Variants in BACH2 observed in about 807,000 individuals in gnomAD.
BACH2 encodes BACH transcriptional regulator 2.
BACH2 carries 5 observed loss-of-function variants against 61.8 expected under a neutral mutation model. The observed-to-expected ratio is 0.08, with a 90% CI of 0.04 to 0.17. The LOEUF (loss-of-function observed/expected upper bound fraction) is 0.17, where lower values mean the gene tolerates loss of function less well. BACH2 is among the 10% of genes least tolerant of loss of function. The probability of loss-of-function intolerance (pLI) is 1.00; values close to 1 mark genes in which losing one functional copy is unlikely to be tolerated. For missense variants in BACH2, 824 were observed against 1,091.1 expected, an observed-to-expected ratio of 0.76 and a Z score of 3.45; for synonymous variants, 446 against 440.1, an observed-to-expected ratio of 1.01 and a Z score of -0.17.
rs557607923 is a variant in BACH2 at position 90,195,877 on chromosome 6, A to G, written c.-162+10692T>C. Among the ~76,000 whole-genome samples the G allele has an allele frequency of 6.6e-5, 10 of 152,352 alleles. No homozygotes were observed. The South Asian group carries it at 2.1e-3, about 32-fold the overall frequency. On this transcript the variant is annotated intron_variant, in intron 4 of 8. Transcript: ENST00000257749. ...TCCAGCTCCTCCACTACAGTCCTTC[A>G]AAGAAACAAGCAACATAAAGAGAAA... is the stretch of plus-strand genomic sequence containing the variant.
rs114350525 is a variant in BACH2 at position 90,077,993 on chromosome 6, T to C, written c.-13+10968A>G. 3.3e-3 allele frequency among the ~76,000 whole-genome samples: 500 copies of C among 152,278 alleles called. 3 individuals carry two copies. Among genetic ancestry groups the C allele is most frequent in the African/African-American group, 0.011 (463 of 41,560 alleles). ...AACTTTGGTGGGTGGAAAAGGACTCTAGAAGGACAGGTATACATTGTATTA... is the reference window on the plus strand; with the variant it reads ...AACTTTGGTGGGTGGAAAAGGACTCCAGAAGGACAGGTATACATTGTATTA... On this transcript the variant is annotated intron_variant, in intron 5 of 8. Transcript: ENST00000257749.
chr6:90,169,537 ACT>A (rs1287110705), intron 4 of BACH2, among the ~76,000 whole-genome samples: 2 of 151,820 alleles, frequency 1.3e-5, no homozygotes, highest in Non-Finnish European at 2.9e-5. Context: ...TTAATAATAG[ACT>A]CTCTGTCCCT....
intron 5 of BACH2, among the ~76,000 whole-genome samples, chr6:90,045,982 T>G (rs1779759328): frequency 6.6e-6 from 1 of 152,174 alleles, no homozygotes; most frequent in Non-Finnish European, 1.5e-5. Flanking sequence ...TGTTCATATC[T>G]GCTCCCCTGC....
At chr6:90,028,743 G>T (rs1354773907) in intron 5 of BACH2, among the ~76,000 whole-genome samples, 1 of 152,234 alleles carries the variant, frequency 6.6e-6, no homozygotes, top group Non-Finnish European at 1.5e-5. Flanking sequence ...CAGAGGCAAG[G>T]TAGTGCAGTG....
chr6:89,943,058 T>A (rs931506587), intron 7 of BACH2, among the ~76,000 whole-genome samples: 2 of 152,166 alleles, frequency 1.3e-5, no homozygotes, highest in Non-Finnish European at 2.9e-5. Context: ...GCTATCTTCC[T>A]TCCTTGGCCT....
At chr6:89,996,706 G>A (rs1290648877) in intron 6 of BACH2, among the ~76,000 whole-genome samples, 1 of 152,114 alleles carries the variant, frequency 6.6e-6, no homozygotes, top group African/African-American at 2.4e-5. Flanking sequence ...TCATGAAAGA[G>A]ATGGAAGAAA....
At chr6:90,064,988 G>A (rs1424545826) in intron 5 of BACH2, among the ~76,000 whole-genome samples, 1 of 152,046 alleles carries the variant, frequency 6.6e-6, no homozygotes, top group African/African-American at 2.4e-5. Flanking sequence ...CTGATGTGGT[G>A]GACTGTTTTT....
At chr6:90,199,780 A>C (rs1399843117) in intron 4 of BACH2, among the ~76,000 whole-genome samples, 2 of 152,178 alleles carry the variant, frequency 1.3e-5, no homozygotes, top group African/African-American at 4.8e-5. Flanking sequence ...ACTCTATAAA[A>C]ATGAAGTTTT....
At chr6:90,002,123 C>G (rs1777163923) in intron 6 of BACH2, among the ~76,000 whole-genome samples, 1 of 152,170 alleles carries the variant, frequency 6.6e-6, no homozygotes, top group African/African-American at 2.4e-5. Context: ...GTTGATGGCT[C>G]TCTCCTCCTC....
intron 4 of BACH2, among the ~76,000 whole-genome samples, chr6:90,107,398 C>A (rs1249305715): frequency 6.6e-6 from 1 of 151,290 alleles, no homozygotes; most frequent in Non-Finnish European, 1.5e-5. Context: ...CAAAACAAAA[C>A]AAAAAAAACA....
At chr6:90,082,193 TAC>T (rs754960499) in intron 5 of BACH2, among the ~76,000 whole-genome samples, 16 of 152,330 alleles carry the variant, frequency 1.1e-4, no homozygotes, top group Non-Finnish European at 1.9e-4. Flanking sequence ...TGCCTTATAG[TAC>T]AGTGATTACT....
In BACH2 at chr6:90,013,724, G is replaced by A. The variant is rs866647438; in HGVS notation, c.-12-4868C>T. 1.4e-4 allele frequency among the ~76,000 whole-genome samples: 21 copies of A among 152,018 alleles called. 1 individual carries two copies. The highest frequency in any genetic ancestry group is 6.8e-3 in the Middle Eastern group (2 of 294). ...AGGGTTTCACCATGTTAGCCAGGAT[G>A]GTCTTGATCTCCTGACTTTGTGATC... is the stretch of plus-strand genomic sequence containing the variant. On this transcript the variant is annotated intron_variant, in intron 5 of 8. Coordinates refer to ENST00000257749, the MANE Select transcript of BACH2 (RefSeq NM_021813.4).
chr6:90,207,548 T>C (rs547403388), intron 3 of BACH2, among the ~76,000 whole-genome samples: 4 of 152,292 alleles, frequency 2.6e-5, no homozygotes, highest in African/African-American at 9.6e-5. Flanking sequence ...TATTGTAAGG[T>C]TCCTGATACT....
intron 5 of BACH2, among the ~76,000 whole-genome samples, chr6:90,051,980 A>T (rs149488800): frequency 1.9e-3 from 295 of 152,230 alleles, no homozygotes; most frequent in African/African-American, 6.6e-3. Flanking sequence ...AAATTTCCAC[A>T]TATAAGGGGA....
chr6:90,169,210 A>T (rs4707603), intron 4 of BACH2, among the ~76,000 whole-genome samples: 5,014 of 151,926 alleles, frequency 0.033, 137 homozygotes, highest in East Asian at 0.087. Flanking sequence ...CCCAATAAAC[A>T]TCTGTTATTT....
chr6:90,296,011 T>A (rs1040722192), intron 1 of BACH2, among the ~76,000 whole-genome samples: 1 of 152,004 alleles, frequency 6.6e-6, no homozygotes, highest in Non-Finnish European at 1.5e-5. Context: ...CCGCCCGGCC[T>A]GGAGCTGGGA....
At chr6:90,072,856 A>G (rs574100252) in intron 5 of BACH2, among the ~76,000 whole-genome samples, 1 of 152,322 alleles carries the variant, frequency 6.6e-6, no homozygotes, top group Non-Finnish European at 1.5e-5. Flanking sequence ...GAGGGTAACA[A>G]GCATTATTTC....
Position 90,084,231 on chromosome 6 carries a change from G to A in BACH2, c.-13+4730C>T, listed in dbSNP as rs150675131. Among the ~76,000 whole-genome samples the A allele has an allele frequency of 2.2e-4, 34 of 152,054 alleles. No individual in the cohort carries two copies. The East Asian group carries it at 5.8e-3, about 26-fold the overall frequency. On this transcript the variant is annotated intron_variant, in intron 5 of 8. Coordinates refer to ENST00000257749, the MANE Select transcript of BACH2 (RefSeq NM_021813.4). ...GGAACCAGGCACATCTGATTCCTGCGAATGATGAGACAAGGACACAAGGAG... is the reference window on the plus strand; with the variant it reads ...GGAACCAGGCACATCTGATTCCTGCAAATGATGAGACAAGGACACAAGGAG...
In BACH2 at chr6:90,079,062, C is replaced by A. The variant is rs375190270; in HGVS notation, c.-13+9899G>T. Among the ~76,000 whole-genome samples, 40 of 152,350 alleles carry A rather than the reference C, an allele frequency of 2.6e-4. 1 individual carries two copies. In the East Asian group the frequency reaches 3.5e-3, roughly 13 times the overall value. On this transcript the variant is annotated intron_variant, in intron 5 of 8. Coordinates refer to ENST00000257749, the MANE Select transcript of BACH2 (RefSeq NM_021813.4). ...AGTCAGTGGAATGGGACAGCACCAT[C>A]AATGGGATTGCGAAGGCACAAATTT...
Sources: allele counts gnomAD v4.1 joint callset (sites outside exome capture counted in the v4.1 genomes callset), GRCh38; gene constraint gnomAD v4.1.1; transcripts MANE v1.5; gene names NCBI Gene and HGNC (gene_info 2026-07-23, HGNC 2026-07-21).